GNA13: variants seen among roughly 807,000 people sequenced by gnomAD.
GNA13 encodes the protein guanine nucleotide-binding protein subunit alpha-13.
Under a neutral mutation model 33.5 loss-of-function variants are expected in GNA13, and 4 were observed. The observed-to-expected ratio is 0.12, with a 90% CI of 0.06 to 0.27. The LOEUF is 0.27. GNA13 is among the 10% of genes least tolerant of loss of function. The probability of loss-of-function intolerance (pLI) is 1.00; values close to 1 mark genes in which losing one functional copy is unlikely to be tolerated. For synonymous variants in GNA13, 176 were observed against 183.8 expected (o/e 0.96, Z 0.34); for missense variants, 319 against 487.2 (o/e 0.65, Z 3.25).
Position 65,012,635 on chromosome 17 carries a change from T to C in GNA13, c.*1622A>G. ...ATGTCAAGAACAATCCCTGGTTAGT[T>C]CACTGAAAAGCCCCACTCTCGTATC... On this transcript the variant is annotated 3_prime_UTR_variant, in exon 4 of 4. Transcript: ENST00000439174. The C allele has an allele frequency of 4.4e-6, 1 of 229,860 alleles. No individual in the cohort carries two copies. Among genetic ancestry groups the C allele is most frequent in the African/African-American group, 2.2e-5 (1 of 45,220 alleles). 14.2% of individuals were successfully genotyped at this position (229,860 alleles called of 1,614,324 possible). A position where few individuals can be genotyped will look rare whatever the true frequency, so the allele number is the denominator to read the frequency against.
At chr17:65,052,897 C>T (rs1485394736) in intron 2 of GNA13, among the ~76,000 whole-genome samples, 2 of 152,098 alleles carry the variant, frequency 1.3e-5, no homozygotes, top group East Asian at 1.9e-4. Flanking sequence ...TGTGGTGGCA[C>T]GCGCCTATAG....
rs180869035 is a variant in GNA13 at position 65,014,021 on chromosome 17, T to C, written c.*236A>G. ...CTGGGAGGTTTTAACTGGACTTGAA[T>C]AGAAGCCATGGTGAAACAGATCAAA... On this transcript the variant is annotated 3_prime_UTR_variant, in exon 4 of 4. Coordinates refer to ENST00000439174, the MANE Select transcript of GNA13 (RefSeq NM_006572.6). The surrounding 1 kb of genome is among the most constrained non-coding windows in gnomAD (Gnocchi z 5.3). 2.2e-4 allele frequency: 107 copies of C among 485,978 alleles called. No individual in the cohort carries two copies. Among genetic ancestry groups the C allele is most frequent in the African/African-American group, 1.2e-3 (63 of 52,268 alleles). 30.1% of individuals were successfully genotyped at this position (485,978 alleles called of 1,614,324 possible).
intron 2 of GNA13, among the ~76,000 whole-genome samples, chr17:65,026,652 T>C (rs1214350438): frequency 6.6e-6 from 1 of 152,218 alleles, no homozygotes; most frequent in East Asian, 1.9e-4. Context: ...CAAGATCTAA[T>C]ATAGTATGAA....
intron 2 of GNA13, among the ~76,000 whole-genome samples, chr17:65,047,332 T>C (rs1397049219): frequency 6.6e-6 from 1 of 152,248 alleles, no homozygotes; most frequent in South Asian, 2.1e-4. Flanking sequence ...AAGGTTACAG[T>C]GAACTATGAT....
intron 2 of GNA13, chr17:65,052,924 G>A (rs558211806): frequency 6.5e-6 from 1 of 152,686 alleles, no homozygotes; most frequent in Admixed American, 6.5e-5. Context: ...CTACACAGGA[G>A]GCTGAGGCAG....
At chr17:65,027,753 T>C (rs1906846860) in intron 2 of GNA13, among the ~76,000 whole-genome samples, 1 of 152,232 alleles carries the variant, frequency 6.6e-6, no homozygotes, top group African/African-American at 2.4e-5. Flanking sequence ...AACAAAAGGC[T>C]TTCCTAAGAA....
chr17:65,020,084 C>T (rs1191005498), intron 2 of GNA13, among the ~76,000 whole-genome samples: 1 of 152,172 alleles, frequency 6.6e-6, no homozygotes, highest in Non-Finnish European at 1.5e-5. Context: ...TGTTTAGTGT[C>T]CTCATTCAAA....
At chr17:65,041,004 T>C (rs1180124498) in intron 2 of GNA13, among the ~76,000 whole-genome samples, 1 of 152,222 alleles carries the variant, frequency 6.6e-6, no homozygotes, top group East Asian at 1.9e-4. Context: ...AATGAAAAGA[T>C]ACAACCACAT....
intron 2 of GNA13, among the ~76,000 whole-genome samples, chr17:65,045,280 G>A (rs1907617645): frequency 6.6e-6 from 1 of 151,982 alleles, no homozygotes; most frequent in Non-Finnish European, 1.5e-5. Context: ...AGCACTTTGG[G>A]AGGCTAAGAC....
At position 65,038,482 on chromosome 17, in the gene GNA13, G is replaced by A. The variant is rs564193029; in HGVS notation, c.510+15020C>T. ...GGCTTGAGTACAGTGGCATAATCAC[G>A]GCTCACTGCAGCCTCAACCTCCTGG... is the stretch of plus-strand genomic sequence containing the variant. On this transcript the variant is annotated intron_variant, in intron 2 of 3. Coordinates refer to ENST00000439174, the MANE Select transcript of GNA13 (RefSeq NM_006572.6). 1.4e-3 allele frequency among the ~76,000 whole-genome samples: 207 copies of A among 152,184 alleles called. 6 individuals carry two copies. In the South Asian group the frequency reaches 0.041, roughly 31 times the overall value.
At chr17:65,048,173 C>T (rs892418451) in intron 2 of GNA13, among the ~76,000 whole-genome samples, 2 of 152,180 alleles carry the variant, frequency 1.3e-5, no homozygotes, top group Admixed American at 1.3e-4. Flanking sequence ...CTGTCACACA[C>T]ACTGTCCTGT....
intron 3 of GNA13, among the ~76,000 whole-genome samples, chr17:65,015,233 A>C (rs76091855): frequency 2.1e-3 from 319 of 152,172 alleles, no homozygotes; most frequent in Non-Finnish European, 3.7e-3. Context: ...AGTCTTATCA[A>C]TTGTTCTTAC....
At chr17:65,022,146 A>C (rs758684679) in intron 2 of GNA13, among the ~76,000 whole-genome samples, 9 of 152,238 alleles carry the variant, frequency 5.9e-5, no homozygotes, top group Non-Finnish European at 1.3e-4. Flanking sequence ...CTATTTCATG[A>C]TATGTAAAAA....
At chr17:65,027,448 T>C (rs1906834266) in intron 2 of GNA13, among the ~76,000 whole-genome samples, 1 of 151,932 alleles carries the variant, frequency 6.6e-6, no homozygotes, top group Admixed American at 6.6e-5. Context: ...AAGCAGCCAC[T>C]GGGGGCCCTT....
At chr17:65,036,297 C>A (rs772840567) in intron 2 of GNA13, among the ~76,000 whole-genome samples, 4 of 152,236 alleles carry the variant, frequency 2.6e-5, no homozygotes, top group Non-Finnish European at 5.9e-5. Context: ...GCTCCTGTTT[C>A]CAAGTCCCGA....
chr17:65,017,622 G>A (rs1012001145), intron 3 of GNA13, among the ~76,000 whole-genome samples: 1 of 152,182 alleles, frequency 6.6e-6, no homozygotes, highest in Non-Finnish European at 1.5e-5. Context: ...AGAGCTGCTG[G>A]CTCCGAGGAA....
At chr17:65,034,471 T>C (rs934161852) in intron 2 of GNA13, among the ~76,000 whole-genome samples, 1 of 152,072 alleles carries the variant, frequency 6.6e-6, no homozygotes, top group African/African-American at 2.4e-5. Flanking sequence ...GCTAATTTTT[T>C]GTATTTTTAG....
At chr17:65,039,619 T>C (rs1240419862) in intron 2 of GNA13, among the ~76,000 whole-genome samples, 1 of 152,244 alleles carries the variant, frequency 6.6e-6, no homozygotes, top group Non-Finnish European at 1.5e-5. Flanking sequence ...CCTGGAGGAC[T>C]TTCTCATCCA....
chr17:65,054,500 C>T (rs1907963883), intron 1 of GNA13, among the ~76,000 whole-genome samples: 2 of 152,126 alleles, frequency 1.3e-5, no homozygotes, highest in Admixed American at 6.6e-5. Context: ...TTAATAGAGA[C>T]GAGGTCTGGC....
Sources: allele counts gnomAD v4.1 joint callset (sites outside exome capture counted in the v4.1 genomes callset), GRCh38; gene constraint gnomAD v4.1.1; non-coding constraint Gnocchi (gnomAD v3.1); transcripts MANE v1.5; gene names NCBI Gene and HGNC (gene_info 2026-07-23, HGNC 2026-07-21).